Variants in SIPA1L1 observed in about 807,000 individuals in gnomAD.
The protein encoded by SIPA1L1 is signal-induced proliferation-associated 1-like protein 1.
SIPA1L1 carries 26 observed loss-of-function variants against 162.7 expected under a neutral mutation model. That is an observed-to-expected ratio of 0.16 (90% CI 0.12 to 0.22). The LOEUF (loss-of-function observed/expected upper bound fraction) is 0.22, where lower values mean the gene tolerates loss of function less well. Ranked by LOEUF, SIPA1L1 falls within the 10% of genes least tolerant of loss-of-function variation. The probability of loss-of-function intolerance (pLI) is 1.00; values close to 1 mark genes in which losing one functional copy is unlikely to be tolerated. For missense variants in SIPA1L1, 1,874 were observed against 2,241.0 expected (o/e 0.84, Z 3.31); for synonymous variants, 829 against 837.4 (o/e 0.99, Z 0.17).
intron 19 of SIPA1L1, among the ~76,000 whole-genome samples, chr14:71,726,277 G>A (rs745827006): frequency 1.3e-5 from 2 of 152,168 alleles, no homozygotes; most frequent in Non-Finnish European, 2.9e-5. Context: ...GGGCACAAAT[G>A]GTTTCCTTAG....
chr14:71,447,083 AT>A (rs112760691), intron 2 of SIPA1L1, among the ~76,000 whole-genome samples: 2,713 of 136,806 alleles, frequency 0.02, 29 homozygotes, highest in African/African-American at 0.028. Flanking sequence ...AGCTAATTAC[AT>A]TTTTTTTTTT....
chr14:71,588,294 A>G lies in SIPA1L1; in HGVS notation c.422A>G (p.Asn141Ser). Reference protein sequence around the residue: ...MLKSIQNTLKNKTRPSENMDS... With the variant: ...MLKSIQNTLKSKTRPSENMDS... ...AAAAGCATACAGAACACGCTGAAAA[A>G]CAAGACAAGACCGTCGGAGAACATG... Residue 141 changes from asparagine to serine, a missense_variant, in exon 5 of 24, where the codon AAC becomes AGC. Asn to Ser is a conservative substitution (Grantham distance 46). Around this residue, in one of 5 missense-constraint regions of SIPA1L1, gnomAD observed 685 missense variants for 828.0 expected, o/e 0.83. Coordinates refer to ENST00000381232, the MANE Select transcript of SIPA1L1 (RefSeq NM_001386936.1). The surrounding 1 kb of genome is among the most constrained non-coding windows in gnomAD (Gnocchi z 4.3). 6.2e-7 allele frequency: 1 copy of G among 1,613,954 alleles called. No individual in the cohort carries two copies. Among genetic ancestry groups the G allele is most frequent in the Middle Eastern group, 1.6e-4 (1 of 6,062 alleles).
At chr14:71,331,615 TA>T (rs371346530) in intron 2 of SIPA1L1, among the ~76,000 whole-genome samples, 210 of 152,320 alleles carry the variant, frequency 1.4e-3, no homozygotes, top group Non-Finnish European at 2.5e-3. Context: ...ATGTGTACCT[TA>T]GTGGGTATTC....
At chr14:71,396,285 A>G (rs554522535) in intron 2 of SIPA1L1, among the ~76,000 whole-genome samples, 8 of 152,194 alleles carry the variant, frequency 5.3e-5, no homozygotes, top group South Asian at 2.1e-4. Flanking sequence ...CCAATTATCT[A>G]AAGACTTTTT....
Position 71,709,249 on chromosome 14 carries a change from A to G in SIPA1L1, c.3793A>G (p.Ser1265Gly), listed in dbSNP as rs2082694811. 2 of 1,613,936 alleles carry G rather than the reference A, an allele frequency of 1.2e-6. No individual in the cohort carries two copies. Among genetic ancestry groups the G allele is most frequent in the African/African-American group, 2.7e-5 (2 of 74,946 alleles). Reference sequence around the variant, plus strand: ...TGATAGCCACTACTCGAGCCACTCCAGTAGCAATACTCTCTCCAGCAATGC... The same window carrying G: ...TGATAGCCACTACTCGAGCCACTCCGGTAGCAATACTCTCTCCAGCAATGC... ...HSDSHYSSHS[S>G]SNTLSSNASS... Residue 1265 changes from serine to glycine, a missense_variant, in exon 17 of 24, where the codon AGT becomes GGT. By Grantham distance (56) the Ser-to-Gly change is moderately conservative. Around this residue, in one of 5 missense-constraint regions of SIPA1L1, gnomAD observed 936 missense variants for 1,051.9 expected, o/e 0.89. Coordinates refer to ENST00000381232, the MANE Select transcript of SIPA1L1 (RefSeq NM_001386936.1).
At chr14:71,721,496 C>T (rs1374746632) in intron 17 of SIPA1L1, among the ~76,000 whole-genome samples, 1 of 152,216 alleles carries the variant, frequency 6.6e-6, no homozygotes, top group Non-Finnish European at 1.5e-5. Context: ...GTGGTGAATC[C>T]TGCTGGGTCT....
chr14:71,361,189 T>C (rs2037778419), intron 2 of SIPA1L1, among the ~76,000 whole-genome samples: 1 of 152,170 alleles, frequency 6.6e-6, no homozygotes. Flanking sequence ...TGCAACTGAG[T>C]TGTAACTCAA....
At chr14:71,582,250 A>G (rs537308317) in intron 4 of SIPA1L1, among the ~76,000 whole-genome samples, 2 of 152,104 alleles carry the variant, frequency 1.3e-5, no homozygotes, top group Non-Finnish European at 2.9e-5. Context: ...TGGGAGGATC[A>G]CTTGAGCCTG....
chr14:71,640,750 G>A (rs568531879), intron 7 of SIPA1L1, among the ~76,000 whole-genome samples: 14 of 152,150 alleles, frequency 9.2e-5, no homozygotes, highest in Admixed American at 2.0e-4. Flanking sequence ...TCAGCCTCCC[G>A]CAGAGCTGGG....
chr14:71,422,938 C>T (rs1212668759), intron 2 of SIPA1L1, among the ~76,000 whole-genome samples: 1 of 152,288 alleles, frequency 6.6e-6, no homozygotes, highest in South Asian at 2.1e-4. Context: ...ATTTTACATT[C>T]CTACCAACAG....
chr14:71,555,509 C>T (rs150842522), intron 4 of SIPA1L1, among the ~76,000 whole-genome samples: 33 of 152,318 alleles, frequency 2.2e-4, no homozygotes, highest in South Asian at 1.0e-3. Flanking sequence ...CTTTCCATCT[C>T]AGCAGTAAGG....
intron 2 of SIPA1L1, among the ~76,000 whole-genome samples, chr14:71,512,422 A>C (rs988825288): frequency 6.6e-6 from 1 of 151,772 alleles, no homozygotes; most frequent in Non-Finnish European, 1.5e-5. Flanking sequence ...CCCCGTCTCT[A>C]CTAAAAATAC....
At chr14:71,566,517 C>T (rs2030619764) in intron 4 of SIPA1L1, among the ~76,000 whole-genome samples, 1 of 152,094 alleles carries the variant, frequency 6.6e-6, no homozygotes, top group Non-Finnish European at 1.5e-5. Flanking sequence ...GGCATTAGCA[C>T]ACGGAGAGAG....
chr14:71,351,923 G>A (rs1416637103), intron 2 of SIPA1L1, among the ~76,000 whole-genome samples: 1 of 151,262 alleles, frequency 6.6e-6, no homozygotes, highest in Non-Finnish European at 1.5e-5. Context: ...GAACTCACAG[G>A]TTAGTGGATG....
intron 2 of SIPA1L1, among the ~76,000 whole-genome samples, chr14:71,391,537 T>A (rs933444526): frequency 2.0e-5 from 3 of 152,230 alleles, no homozygotes; most frequent in Non-Finnish European, 4.4e-5. Context: ...ACAGTTCATA[T>A]GAACAAGAAT....
chr14:71,467,520 C>T (rs1006675609), intron 2 of SIPA1L1, among the ~76,000 whole-genome samples: 1 of 152,064 alleles, frequency 6.6e-6, no homozygotes, highest in Non-Finnish European at 1.5e-5. Context: ...CTATTAAAAT[C>T]TTGGAGTATT....
intron 4 of SIPA1L1, among the ~76,000 whole-genome samples, chr14:71,539,834 G>A (rs1359975386): frequency 1.3e-5 from 2 of 152,174 alleles, no homozygotes; most frequent in Non-Finnish European, 2.9e-5. Flanking sequence ...TTCCTTCCTC[G>A]ATCTCCCAAA....
chr14:71,325,613 G>C (rs1438831669), intron 2 of SIPA1L1, among the ~76,000 whole-genome samples: 1 of 152,208 alleles, frequency 6.6e-6, no homozygotes, highest in Non-Finnish European at 1.5e-5. Context: ...AAATAGAACA[G>C]AGTGTTTTCT....
At chr14:71,643,773 A>G (rs1347873311) in intron 7 of SIPA1L1, among the ~76,000 whole-genome samples, 3 of 152,214 alleles carry the variant, frequency 2.0e-5, no homozygotes, top group Non-Finnish European at 1.5e-5. Context: ...TTCCTTTGAT[A>G]TAACACCAAA....
Sources: allele counts gnomAD v4.1 joint callset (sites outside exome capture counted in the v4.1 genomes callset), GRCh38; gene constraint gnomAD v4.1.1; regional missense constraint gnomAD v4.1.1; non-coding constraint Gnocchi (gnomAD v3.1); transcripts MANE v1.5; gene names NCBI Gene and HGNC (gene_info 2026-07-23, HGNC 2026-07-21).